LRMDA: variants seen among roughly 807,000 people sequenced by gnomAD.
The protein encoded by LRMDA is leucine-rich melanocyte differentiation-associated protein.
In LRMDA, 18 loss-of-function variants were observed where a neutral mutation model predicts 29.8. The ratio of observed to expected loss-of-function variants is 0.60; its 90% CI spans 0.42 to 0.90. The LOEUF (loss-of-function observed/expected upper bound fraction) is 0.90. LRMDA is among the 40% of genes least tolerant of loss of function. The pLI is 0.00. For missense variants in LRMDA, 273 were observed against 273.9 expected (o/e 1.00, Z 0.02); for synonymous variants, 125 against 109.4 (o/e 1.14, Z -0.89).
intron 5 of LRMDA, among the ~76,000 whole-genome samples, chr10:76,099,667 T>C (rs866319539): frequency 1.5e-4 from 23 of 152,312 alleles, no homozygotes; most frequent in African/African-American, 5.3e-4. Flanking sequence ...TTTAATTTGT[T>C]AATTTCATAT....
At position 76,058,610 on chromosome 10, in the gene LRMDA, G is replaced by C. The variant is rs1371639407; in HGVS notation, c.399-56G>C. The C allele has an allele frequency of 5.1e-6, 7 of 1,385,012 alleles. No homozygotes were observed. The Admixed American group carries it at 8.4e-5, about 17-fold the overall frequency. 85.8% of individuals were successfully genotyped at this position (1,385,012 alleles called of 1,614,324 possible). A position where few individuals can be genotyped will look rare whatever the true frequency, so the allele number is the denominator to read the frequency against. On this transcript the variant is annotated intron_variant, in intron 4 of 6. Coordinates refer to ENST00000611255, the MANE Select transcript of LRMDA (RefSeq NM_001305581.2). ...TCTTGAAGATCAGACAAGCTGTCGG[G>C]ATCTCTGAGGCTGCCACTCAAACTT...
chr10:75,701,761 G>C (rs145308472), intron 2 of LRMDA, among the ~76,000 whole-genome samples: 1 of 152,150 alleles, frequency 6.6e-6, no homozygotes, highest in Admixed American at 6.5e-5. Context: ...CAGTGGTAAT[G>C]ATGGAGTAGT....
chr10:76,036,829 C>A (rs1848256523), intron 3 of LRMDA, among the ~76,000 whole-genome samples: 1 of 152,136 alleles, frequency 6.6e-6, no homozygotes. Flanking sequence ...CTTGCTGCAA[C>A]CTAAGGCCCG....
intron 2 of LRMDA, among the ~76,000 whole-genome samples, chr10:75,909,306 A>C (rs1353536718): frequency 6.6e-6 from 1 of 152,118 alleles, no homozygotes; most frequent in Admixed American, 6.5e-5. Context: ...ATTTGGAATG[A>C]AATCATATGT....
At chr10:75,524,576 G>A (rs932613553) in intron 2 of LRMDA, among the ~76,000 whole-genome samples, 1 of 152,064 alleles carries the variant, frequency 6.6e-6, no homozygotes, top group East Asian at 1.9e-4. Flanking sequence ...AGGGTCACTG[G>A]GGTAGGAAAT....
chr10:75,500,683 C>T (rs1845102015), intron 2 of LRMDA, among the ~76,000 whole-genome samples: 1 of 152,014 alleles, frequency 6.6e-6, no homozygotes, highest in African/African-American at 2.4e-5. Flanking sequence ...ACAATCATGG[C>T]AGAAGGGGAA....
intron 2 of LRMDA, among the ~76,000 whole-genome samples, chr10:75,634,090 C>A (rs1841360820): frequency 6.6e-6 from 1 of 152,112 alleles, no homozygotes; most frequent in African/African-American, 2.4e-5. Context: ...TAAGGGAATT[C>A]AAAATTCATT....
intron 2 of LRMDA, among the ~76,000 whole-genome samples, chr10:75,750,526 C>T (rs1165787641): frequency 3.9e-5 from 5 of 128,142 alleles, no homozygotes; most frequent in Admixed American, 7.9e-5. Flanking sequence ...CCAGATGGGG[C>T]GGCGGGGCAG....
intron 6 of LRMDA, among the ~76,000 whole-genome samples, chr10:76,481,908 T>A (rs1842736658): frequency 6.6e-6 from 1 of 151,940 alleles, no homozygotes; most frequent in Admixed American, 6.6e-5. Flanking sequence ...GACTCGCAAA[T>A]GTGTATTTCA....
chr10:76,096,642 TA>T (rs1164002674), intron 5 of LRMDA, among the ~76,000 whole-genome samples: 1 of 152,154 alleles, frequency 6.6e-6, no homozygotes, highest in African/African-American at 2.4e-5. Context: ...TTAATTTCTA[TA>T]AAAAATTTTG....
At chr10:75,966,873 G>A (rs759547313) in intron 2 of LRMDA, among the ~76,000 whole-genome samples, 1 of 152,202 alleles carries the variant, frequency 6.6e-6, no homozygotes, top group Non-Finnish European at 1.5e-5. Flanking sequence ...GATCAAACAA[G>A]ATAGGGAAGG....
chr10:76,286,635 G>C (rs1224490034), intron 5 of LRMDA, among the ~76,000 whole-genome samples: 1 of 152,088 alleles, frequency 6.6e-6, no homozygotes, highest in Non-Finnish European at 1.5e-5. Context: ...ACCCACCATG[G>C]CCTAGGAAAG....
chr10:76,145,515 T>A (rs1850297746), intron 5 of LRMDA, among the ~76,000 whole-genome samples: 1 of 152,198 alleles, frequency 6.6e-6, no homozygotes, highest in South Asian at 2.1e-4. Flanking sequence ...TAGTTTGTAT[T>A]TCTGTGGGAT....
intron 6 of LRMDA, among the ~76,000 whole-genome samples, chr10:76,416,129 C>T (rs573701531): frequency 2.2e-4 from 33 of 152,278 alleles, no homozygotes; most frequent in African/African-American, 6.0e-4. Flanking sequence ...CCATCCAAAT[C>T]GTGGCAGAAC....
intron 2 of LRMDA, among the ~76,000 whole-genome samples, chr10:75,741,716 GAA>G (rs1361197480): frequency 6.6e-6 from 1 of 152,182 alleles, no homozygotes; most frequent in Non-Finnish European, 1.5e-5. Context: ...GGCCTGGAAA[GAA>G]GAGGGCCAAC....
chr10:76,547,875 T>C (rs1353591971), intron 6 of LRMDA, among the ~76,000 whole-genome samples: 1 of 152,010 alleles, frequency 6.6e-6, no homozygotes, highest in Admixed American at 6.6e-5. Context: ...CTCAAATCCA[T>C]TAAGCCCTAC....
intron 5 of LRMDA, among the ~76,000 whole-genome samples, chr10:76,142,742 C>T (rs1245215282): frequency 2.0e-5 from 3 of 149,980 alleles, no homozygotes; most frequent in African/African-American, 7.6e-5. Flanking sequence ...GCACAATGTG[C>T]AGGTTTGTTA....
chr10:75,659,122 G>A (rs1443254802), intron 2 of LRMDA, among the ~76,000 whole-genome samples: 4 of 152,222 alleles, frequency 2.6e-5, no homozygotes, highest in African/African-American at 9.6e-5. Context: ...ATGGCACATT[G>A]CCGACACAAA....
At chr10:76,291,240 G>T (rs537326837) in intron 5 of LRMDA, among the ~76,000 whole-genome samples, 2 of 152,190 alleles carry the variant, frequency 1.3e-5, no homozygotes, top group South Asian at 4.1e-4. Flanking sequence ...TCACTGTTGG[G>T]TCTCAAAATA....
Sources: allele counts gnomAD v4.1 joint callset (sites outside exome capture counted in the v4.1 genomes callset), GRCh38; gene constraint gnomAD v4.1.1; transcripts MANE v1.5; gene names NCBI Gene and HGNC (gene_info 2026-07-23, HGNC 2026-07-21).